The following OSBPL8 variants were observed in gnomAD, a reference collection of about 807,000 sequenced individuals.
The protein encoded by OSBPL8 is oxysterol binding protein like 8, also known as oxysterol-binding protein-related protein 8.
OSBPL8 carries 59 observed loss-of-function variants against 125.5 expected under a neutral mutation model. The ratio of observed to expected loss-of-function variants is 0.47; its 90% CI spans 0.38 to 0.58. The LOEUF (loss-of-function observed/expected upper bound fraction) is 0.58, where lower values mean the gene tolerates loss of function less well. Ranked by LOEUF, OSBPL8 falls within the 20% of genes least tolerant of loss-of-function variation. The pLI, the probability that OSBPL8 is intolerant of heterozygous loss-of-function variation, is 0.00. For missense variants in OSBPL8, 758 were observed against 1,047.8 expected, an observed-to-expected ratio of 0.72 and a Z score of 3.82; for synonymous variants, 330 against 338.9, an observed-to-expected ratio of 0.97 and a Z score of 0.29.
chr12:76,559,643 C>T lies in OSBPL8; in HGVS notation c.-314G>A, dbSNP rs1951216821. 1 of 152,244 alleles carries T rather than the reference C, an allele frequency of 6.6e-6. No homozygotes were observed. The highest frequency in any genetic ancestry group is 1.5e-5 in the Non-Finnish European group (1 of 68,054). 9.4% of individuals were successfully genotyped at this position (152,244 alleles called of 1,614,324 possible). ...CGAGGTCCACCAGCCCGGGCGGACCCCCACCTTCCCTCAGTCGGCTTGCTA... is the reference window on the plus strand; with the variant it reads ...CGAGGTCCACCAGCCCGGGCGGACCTCCACCTTCCCTCAGTCGGCTTGCTA... On this transcript the variant is annotated 5_prime_UTR_variant, in exon 1 of 24. Transcript: ENST00000261183.
intron 1 of OSBPL8, among the ~76,000 whole-genome samples, chr12:76,528,651 A>AC (rs1950246617): frequency 6.6e-6 from 1 of 152,028 alleles, no homozygotes; most frequent in African/African-American, 2.4e-5. Flanking sequence ...AAGCCAAAGA[A>AC]GATAAGGAAG....
At chr12:76,468,399 A>T (rs1875719443) in intron 2 of OSBPL8, among the ~76,000 whole-genome samples, 1 of 152,224 alleles carries the variant, frequency 6.6e-6, no homozygotes, top group Non-Finnish European at 1.5e-5. Flanking sequence ...AGTAAAACTG[A>T]TTGCTTAAAG....
chr12:76,413,861 T>C (rs908861947), intron 4 of OSBPL8, among the ~76,000 whole-genome samples: 2 of 152,170 alleles, frequency 1.3e-5, no homozygotes, highest in African/African-American at 2.4e-5. Flanking sequence ...AATGTATTTG[T>C]TGTCAACATC....
chr12:76,364,201 G>A (rs1011094455), intron 21 of OSBPL8, among the ~76,000 whole-genome samples: 24 of 152,254 alleles, frequency 1.6e-4, no homozygotes, highest in African/African-American at 4.8e-4. Context: ...ACATGCACAC[G>A]TATGTTTATT....
chr12:76,472,876 G>C (rs990524641), intron 2 of OSBPL8, among the ~76,000 whole-genome samples: 2 of 152,158 alleles, frequency 1.3e-5, no homozygotes, highest in Non-Finnish European at 2.9e-5. Flanking sequence ...AGGCCTGACT[G>C]ATGTCAGGCC....
At chr12:76,433,339 C>T (rs1871072704) in intron 4 of OSBPL8, among the ~76,000 whole-genome samples, 1 of 151,844 alleles carries the variant, frequency 6.6e-6, no homozygotes, top group Non-Finnish European at 1.5e-5. Context: ...ACAGGTTCCA[C>T]AAAAAAGTTT....
intron 1 of OSBPL8, among the ~76,000 whole-genome samples, chr12:76,508,969 CCTTTA>C (rs1265450096): frequency 1.3e-5 from 2 of 152,150 alleles, no homozygotes; most frequent in Admixed American, 1.3e-4. Flanking sequence ...ATTCTTTATT[CCTTTA>C]CTTTCTTAAT....
intron 1 of OSBPL8, among the ~76,000 whole-genome samples, chr12:76,539,192 A>G (rs143012975): frequency 6.6e-6 from 1 of 152,198 alleles, no homozygotes; most frequent in African/African-American, 2.4e-5. Flanking sequence ...TTTAAAAGTA[A>G]ATTTAAATTA....
At chr12:76,433,666 G>A (rs1160462794) in intron 4 of OSBPL8, among the ~76,000 whole-genome samples, 1 of 151,858 alleles carries the variant, frequency 6.6e-6, no homozygotes, top group African/African-American at 2.4e-5. Context: ...AAATCCCAAT[G>A]CCATTCCTTA....
In OSBPL8 at chr12:76,487,571, A is replaced by C. The variant is rs1442046963; in HGVS notation, c.-20T>G. ...CTCCATAATGAAAGAAGATAGGTTT[A>C]TGCTTCTCTTTCCATTAATGTGCAG... On this transcript the variant is annotated 5_prime_UTR_variant, in exon 2 of 24. The change abolishes the stop of an existing upstream ORF in the 5' untranslated region. Transcript: ENST00000261183. The C allele has an allele frequency of 1.3e-6, 2 of 1,582,542 alleles. No individual in the cohort carries two copies. Among genetic ancestry groups the C allele is most frequent in the East Asian group, 4.6e-5 (2 of 43,904 alleles).
At chr12:76,401,032 G>A (rs972076749) in intron 6 of OSBPL8, among the ~76,000 whole-genome samples, 11 of 151,744 alleles carry the variant, frequency 7.2e-5, no homozygotes, top group Non-Finnish European at 1.3e-4. Context: ...CAAGTGATCC[G>A]CCCGCCTCTC....
chr12:76,371,639 ATAT>A, intron 18 of OSBPL8, 55 bp from the exon 19 acceptor site: 1 of 1,414,064 alleles, frequency 7.1e-7, no homozygotes, highest in Non-Finnish European at 9.4e-7. Context: ...GAAGGCAATT[ATAT>A]AGTATAGTAA....
intron 1 of OSBPL8, among the ~76,000 whole-genome samples, chr12:76,537,287 T>C (rs1233860290): frequency 6.6e-6 from 1 of 152,146 alleles, no homozygotes; most frequent in African/African-American, 2.4e-5. Flanking sequence ...GACACTAAAA[T>C]TGTATTTCAA....
At chr12:76,490,065 C>G (rs1878548668) in intron 1 of OSBPL8, among the ~76,000 whole-genome samples, 1 of 152,182 alleles carries the variant, frequency 6.6e-6, no homozygotes. Context: ...GAAGTGGAGT[C>G]TGAAGATGTA....
intron 18 of OSBPL8, among the ~76,000 whole-genome samples, chr12:76,372,449 G>A (rs1163570485): frequency 6.6e-6 from 1 of 151,942 alleles, no homozygotes; most frequent in African/African-American, 2.4e-5. Context: ...GCTTCCCAAA[G>A]TGCTGGAATT....
chr12:76,366,241 T>A lies in OSBPL8; in HGVS notation c.2328+2973A>T, dbSNP rs554739356. ...TCTTTGGAGGTTTTTGGTTACTGAT[T>A]CAATCTCTTTATTGTTACAGCTCTA... On this transcript the variant is annotated intron_variant, in intron 21 of 23. Transcript: ENST00000261183. Among the ~76,000 whole-genome samples the A allele has an allele frequency of 1.5e-3, 224 of 152,344 alleles. 1 individual carries two copies. The highest frequency in any genetic ancestry group is 5.2e-3 in the African/African-American group (217 of 41,592).
intron 4 of OSBPL8, among the ~76,000 whole-genome samples, chr12:76,432,488 GAA>G (rs1870957707): frequency 6.6e-6 from 1 of 152,158 alleles, no homozygotes; most frequent in Admixed American, 6.5e-5. Flanking sequence ...CGTTGAAACA[GAA>G]AGAGTGCTTG....
intron 1 of OSBPL8, among the ~76,000 whole-genome samples, chr12:76,520,182 G>A (rs149815408): frequency 9.7e-4 from 147 of 152,184 alleles, no homozygotes; most frequent in African/African-American, 3.2e-3. Flanking sequence ...ATGCCTTTAC[G>A]TGAATGAACT....
intron 15 of OSBPL8, among the ~76,000 whole-genome samples, chr12:76,379,862 T>C (rs886794521): frequency 6.6e-6 from 1 of 152,222 alleles, no homozygotes; most frequent in Non-Finnish European, 1.5e-5. Flanking sequence ...TCATTTTTCA[T>C]GGGCAAATAC....
Sources: gnomAD v4.1 joint callset for allele counts (sites outside exome capture counted in the v4.1 genomes callset) on GRCh38, gnomAD v4.1.1 for gene constraint, MANE v1.5 for transcripts, NCBI Gene and HGNC (gene_info 2026-07-23, HGNC 2026-07-21) for gene names.